The following ZNF93 variants were observed in gnomAD, a reference collection of about 807,000 sequenced individuals.
The protein encoded by ZNF93 is zinc finger protein 93.
In ZNF93, 29 loss-of-function variants were observed where a neutral mutation model predicts 45.0. The ratio of observed to expected loss-of-function variants is 0.64; its 90% CI spans 0.48 to 0.88. ZNF93 has a LOEUF of 0.88. ZNF93 is among the 40% of genes least tolerant of loss of function. The pLI, the probability that ZNF93 is intolerant of heterozygous loss-of-function variation, is 0.00. For synonymous variants in ZNF93, 223 were observed against 244.6 expected, an observed-to-expected ratio of 0.91 and a Z score of 0.82; for missense variants, 578 against 724.0, an observed-to-expected ratio of 0.80 and a Z score of 2.31.
At chr19:19,922,663 C>T (rs538955194) in intron 3 of ZNF93, among the ~76,000 whole-genome samples, 1 of 152,246 alleles carries the variant, frequency 6.6e-6, no homozygotes, top group East Asian at 1.9e-4. Flanking sequence ...CTCTAAACTT[C>T]CCTTCTCGCT....
rs539034267 is a variant in ZNF93, at chr19:19,934,630, C to G, written c.1675C>G (p.His559Asp). The change falls in exon 4 of 4, where the codon CAT (histidine) becomes GAT (aspartate). Residue 559 changes from histidine (H) to aspartate (D), a missense_variant. His to Asp is a moderately conservative substitution (Grantham distance 81). This residue lies in a region of ZNF93 where 119 missense variants were observed against 123.1 expected (regional missense o/e 0.97). Coordinates refer to ENST00000343769, the MANE Select transcript of ZNF93 (RefSeq NM_031218.4). ...ACACCTTACTACACATAAGATACTTCATACTGGAGAGAAACCTTATAGATG... is the reference window on the plus strand; with the variant it reads ...ACACCTTACTACACATAAGATACTTGATACTGGAGAGAAACCTTATAGATG... ...STHLTTHKIL[H>D]TGEKPYRCRE... 4.3e-6 allele frequency: 7 copies of G among 1,613,694 alleles called. No individual in the cohort carries two copies. The highest frequency in any genetic ancestry group is 2.2e-5 in the East Asian group (1 of 44,882).
intron 3 of ZNF93, among the ~76,000 whole-genome samples, chr19:19,918,307 T>C (rs1242388777): frequency 6.6e-6 from 1 of 152,226 alleles, no homozygotes; most frequent in Non-Finnish European, 1.5e-5. Flanking sequence ...TTGCATAGTA[T>C]TCCATGGTGT....
At chr19:19,907,095 C>G (rs1027267633) in intron 1 of ZNF93, among the ~76,000 whole-genome samples, 3 of 151,712 alleles carry the variant, frequency 2.0e-5, no homozygotes, top group Non-Finnish European at 4.4e-5. Context: ...GTAAATCATA[C>G]TAACAGCTAA....
At chr19:19,928,115 A>G (rs2122191354) in intron 3 of ZNF93, among the ~76,000 whole-genome samples, 1 of 152,348 alleles carries the variant, frequency 6.6e-6, no homozygotes, top group African/African-American at 2.4e-5. Flanking sequence ...ATGTCTAAGT[A>G]GTTTATTTAA....
chr19:19,907,334 C>A (rs984775277), intron 1 of ZNF93, among the ~76,000 whole-genome samples: 9 of 152,058 alleles, frequency 5.9e-5, no homozygotes, highest in Admixed American at 1.3e-4. Context: ...TACTAAGTTC[C>A]ATTGACAGAA....
intron 1 of ZNF93, among the ~76,000 whole-genome samples, chr19:19,902,029 A>T (rs1433875720): frequency 1.3e-5 from 2 of 152,152 alleles, no homozygotes; most frequent in African/African-American, 2.4e-5. Context: ...GGCGAGGTGC[A>T]GTGAGCCGAG....
rs2063380192 is a variant in ZNF93 at position 19,933,301 on chromosome 19, A to G, written c.346A>G (p.Arg116Gly). The change falls in exon 4 of 4, where the codon AGG becomes GGG. Residue 116 changes from arginine to glycine, a missense_variant. Transcript: ENST00000343769. ...ACATGGAAATTTACAGTTAATAAAA[A>G]GGTGTGAAAGTGTAGATGAGTGTAA... is the stretch of plus-strand genomic sequence containing the variant. ...RGHGNLQLIKRCESVDECKVH... is the reference protein window; with the variant it reads ...RGHGNLQLIKGCESVDECKVH... 6.2e-7 allele frequency: 1 copy of G among 1,611,814 alleles called. No homozygotes were observed. The highest frequency in any genetic ancestry group is 8.5e-7 in the Non-Finnish European group (1 of 1,178,992).
chr19:19,921,435 A>T (rs2063342226), intron 3 of ZNF93, among the ~76,000 whole-genome samples: 1 of 152,088 alleles, frequency 6.6e-6, no homozygotes, highest in South Asian at 2.1e-4. Context: ...TGGGGTGGAG[A>T]GTTCTGTGGA....
At chr19:19,903,361 A>C (rs775572896) in intron 1 of ZNF93, among the ~76,000 whole-genome samples, 7 of 152,212 alleles carry the variant, frequency 4.6e-5, no homozygotes, top group Non-Finnish European at 7.3e-5. Flanking sequence ...GTGGGGCTGT[A>C]TGTTGACTCA....
At chr19:19,911,005 A>T (rs2063306118) in intron 1 of ZNF93, among the ~76,000 whole-genome samples, 1 of 152,242 alleles carries the variant, frequency 6.6e-6, no homozygotes, top group Non-Finnish European at 1.5e-5. Context: ...ATAGACTCAG[A>T]TGGCAGAATC....
chr19:19,903,844 G>A (rs2063284301), intron 1 of ZNF93, among the ~76,000 whole-genome samples: 1 of 151,900 alleles, frequency 6.6e-6, no homozygotes. Context: ...GCAGAGGCAG[G>A]CGGATCACCT....
intron 3 of ZNF93, chr19:19,927,420 G>C (rs1408045985): frequency 5.3e-6 from 2 of 379,378 alleles, no homozygotes; most frequent in East Asian, 7.6e-5. Context: ...AAGACTTCTA[G>C]AAACTTAACA....
chr19:19,917,570 T>C (rs921200093), intron 3 of ZNF93, among the ~76,000 whole-genome samples: 5 of 152,164 alleles, frequency 3.3e-5, no homozygotes, highest in African/African-American at 1.2e-4. Flanking sequence ...CTGAGTGTAT[T>C]TATTAGTTTA....
chr19:19,916,347 T>C (rs1052121438), intron 2 of ZNF93, among the ~76,000 whole-genome samples: 21 of 152,222 alleles, frequency 1.4e-4, no homozygotes, highest in Admixed American at 3.3e-4. Flanking sequence ...ATCCACCTGC[T>C]TTGGCCTCCC....
intron 1 of ZNF93, among the ~76,000 whole-genome samples, chr19:19,903,847 G>A (rs1280328741): frequency 6.6e-6 from 1 of 151,398 alleles, no homozygotes; most frequent in African/African-American, 2.4e-5. Flanking sequence ...GAGGCAGGCG[G>A]ATCACCTGAG....
chr19:19,929,590 A>G (rs1002162271), intron 3 of ZNF93, among the ~76,000 whole-genome samples: 2 of 152,206 alleles, frequency 1.3e-5, no homozygotes, highest in Non-Finnish European at 2.9e-5. Flanking sequence ...ACCATCATAT[A>G]ACGTAGGCAC....
chr19:19,930,200 CAGAGAGAGAGAGGG>C (rs2063369312), intron 3 of ZNF93, among the ~76,000 whole-genome samples: 1 of 151,142 alleles, frequency 6.6e-6, no homozygotes, highest in African/African-American at 2.4e-5. Context: ...GCAGCCAAGG[CAGAGAGAGAGAGGG>C]AGAGAGAGAG....
At chr19:19,901,294 CTG>C (rs1196275652) in intron 1 of ZNF93, among the ~76,000 whole-genome samples, 2 of 152,222 alleles carry the variant, frequency 1.3e-5, no homozygotes, top group Non-Finnish European at 2.9e-5. Flanking sequence ...TGTCTCTTCA[CTG>C]TGCGGTGACT....
chr19:19,927,806 T>C (rs2063360670), intron 3 of ZNF93, among the ~76,000 whole-genome samples: 1 of 152,238 alleles, frequency 6.6e-6, no homozygotes, highest in African/African-American at 2.4e-5. Flanking sequence ...TAAAGTGCAG[T>C]GGTGCAATCT....
Sources: gnomAD v4.1 joint callset for allele counts (sites outside exome capture counted in the v4.1 genomes callset) on GRCh38, gnomAD v4.1.1 for gene constraint, gnomAD v4.1.1 regional missense constraint, MANE v1.5 for transcripts, NCBI Gene and HGNC (gene_info 2026-07-23, HGNC 2026-07-21) for gene names.